NEURL4: variants seen among roughly 807,000 people sequenced by gnomAD.
NEURL4 encodes the protein neuralized-like protein 4.
NEURL4 carries 45 observed loss-of-function variants against 148.0 expected under a neutral mutation model. The observed-to-expected ratio is 0.30, with a 90% CI of 0.24 to 0.39. The LOEUF is 0.39. Among genes scored for constraint, NEURL4 ranks in the 10% least tolerant of loss-of-function variants. The probability of loss-of-function intolerance (pLI) is 1.00; values close to 1 mark genes in which losing one functional copy is unlikely to be tolerated. For synonymous variants in NEURL4, 854 were observed against 869.0 expected, an observed-to-expected ratio of 0.98 and a Z score of 0.30; for missense variants, 1,776 against 2,144.0, an observed-to-expected ratio of 0.83 and a Z score of 3.39.
chr17:7,323,904 C>T lies in NEURL4; in HGVS notation c.2171G>A (p.Gly724Asp), dbSNP rs1158687521. 1 of 1,613,902 alleles carries T rather than the reference C, an allele frequency of 6.2e-7. No individual in the cohort carries two copies. Among genetic ancestry groups the T allele is most frequent in the Admixed American group, 1.7e-5 (1 of 60,030 alleles). The change falls in exon 12 of 29, where the codon GGC (glycine) becomes GAC (aspartate). Residue 724 changes from glycine to aspartate, a missense_variant. Gly to Asp is a moderately conservative substitution (Grantham distance 94). Transcript: ENST00000399464. ...GSDLRFHQLH[G>D]SNAVITNGGR... ...CCCGTTAGTGATGACTGCGTTACTG[C>T]CGTGCAGCTGATGGAAGCGCAGGTC...
chr17:7,327,153 C>T lies in NEURL4; in HGVS notation c.793+12G>A. The T allele has an allele frequency of 6.2e-7, 1 of 1,611,726 alleles. No individual in the cohort carries two copies. The highest frequency in any genetic ancestry group is 8.5e-7 in the Non-Finnish European group (1 of 1,179,692). ...CCCACTCCCCTTCCCAGGGCCTCCC[C>T]AAAGCCCTCACCATTATGCGACTCA... On this transcript the variant is annotated intron_variant, in intron 3 of 28. Coordinates refer to ENST00000399464, the MANE Select transcript of NEURL4 (RefSeq NM_032442.3). This position sits in a 1 kb window ranked among gnomAD's most constrained non-coding sequence, Gnocchi z 6.6.
At position 7,322,180 on chromosome 17, in the gene NEURL4, C is replaced by CA. The variant is rs1262108055; in HGVS notation, c.2726-171dup. ...ACCTCTTTATTGTATTTTGTTGAGG[C>CA]AGAGTCTCGCTCTGTCACTCAGGCT... On this transcript the variant is annotated intron_variant, in intron 16 of 28. Transcript: ENST00000399464. This position sits in a 1 kb window ranked among gnomAD's most constrained non-coding sequence, Gnocchi z 5.5. Among the ~76,000 whole-genome samples, 3 of 152,156 alleles carry CA rather than the reference C, an allele frequency of 2.0e-5. No individual in the cohort carries two copies. Among genetic ancestry groups the CA allele is most frequent in the African/African-American group, 7.2e-5 (3 of 41,446 alleles).
chr17:7,320,692 T>C, intron 21 of NEURL4, 67 bp downstream of exon 21: 1 of 1,489,404 alleles, frequency 6.7e-7, no homozygotes, highest in Non-Finnish European at 9.1e-7. Context: ...AAAGGCCTTT[T>C]TTCAGGGGGG....
chr17:7,325,144 T>TGG, intron 8 of NEURL4, 65 bp downstream of exon 8: 19 of 956,484 alleles, frequency 2.0e-5, no homozygotes, highest in Non-Finnish European at 2.6e-5. Context: ...TCCACTTCCT[T>TGG]GCCCCGCCCC....
intron 14 of NEURL4, 31 bp from the exon 15 acceptor site, chr17:7,323,154 C>T (rs770308928): frequency 1.3e-6 from 2 of 1,599,164 alleles, no homozygotes; most frequent in East Asian, 4.5e-5. Context: ...GTGAGTCAGC[C>T]TGCCAACTTC....
rs371716667 is a variant in NEURL4 at position 7,322,141 on chromosome 17, CAG to C, written c.2726-133_2726-132del. 7.3e-5 allele frequency: 75 copies of C among 1,032,610 alleles called. 1 individual carries two copies. In the Middle Eastern group the frequency reaches 2.1e-3, roughly 28 times the overall value. 64.0% of individuals were successfully genotyped at this position (1,032,610 alleles called of 1,614,324 possible). The stretch of plus-strand genomic sequence containing the variant: ...CCATCTGCCATCTGCCATTACACCT[CAG>C]GGCCTCCTGACACCTCTTTATTGTA... On this transcript the variant is annotated intron_variant, in intron 16 of 28. Coordinates refer to ENST00000399464, the MANE Select transcript of NEURL4 (RefSeq NM_032442.3). This position sits in a 1 kb window ranked among gnomAD's most constrained non-coding sequence, Gnocchi z 5.5.
At chr17:7,319,374 CTTTTTTTTTTT>C (rs374281551) in intron 21 of NEURL4, among the ~76,000 whole-genome samples, 166 bp from the exon 22 acceptor site, 94 of 113,930 alleles carry the variant, frequency 8.3e-4, no homozygotes, top group South Asian at 1.8e-3. Context: ...TTCTTTCCCT[CTTTTTTTTTTT>C]TTTTTTTTTT....
chr17:7,317,200 C>T lies in NEURL4; in HGVS notation c.4484+5G>A. 6.7e-7 allele frequency: 1 copy of T among 1,500,742 alleles called. No homozygotes were observed. Among genetic ancestry groups the T allele is most frequent in the Non-Finnish European group, 8.9e-7 (1 of 1,126,938 alleles). 93.0% of individuals were successfully genotyped at this position (1,500,742 alleles called of 1,614,324 possible). ...AAATCTCTCCCCACCCCTCCCAGTA[C>T]TCACTGCACTTTGGAGGCCAGGGTC... On this transcript the variant is annotated splice_donor_5th_base_variant and intron_variant, in intron 28 of 28. Transcript: ENST00000399464.
In NEURL4 at chr17:7,321,511, C is replaced by T. The variant is rs763830063; in HGVS notation, c.3099+49G>A. On this transcript the variant is annotated intron_variant, in intron 18 of 28. Transcript: ENST00000399464. The surrounding 1 kb of genome is among the most constrained non-coding windows in gnomAD (Gnocchi z 6.3). ...ACGATGTTCAGCCCACCTCTCCCTGCCACCTCCACTCCCAACCCCTCCCCT... is the reference window on the plus strand; with the variant it reads ...ACGATGTTCAGCCCACCTCTCCCTGTCACCTCCACTCCCAACCCCTCCCCT... The T allele has an allele frequency of 6.2e-7, 1 of 1,612,566 alleles. No individual in the cohort carries two copies. The highest frequency in any genetic ancestry group is 1.7e-5 in the Admixed American group (1 of 60,012).
chr17:7,323,327 G>C (rs2062770), intron 14 of NEURL4, among the ~76,000 whole-genome samples, 158 bp downstream of exon 14: 2 of 152,182 alleles, frequency 1.3e-5, no homozygotes, highest in African/African-American at 4.8e-5. Context: ...CTGAGCCCCT[G>C]TGGGCCTGGG....
Position 7,321,142 on chromosome 17 carries a change from C to T in NEURL4, c.3330G>A (p.Glu1110=). Residue 1110 remains glutamate, a synonymous_variant, in exon 20 of 29, where the codon GAG becomes GAA. Coordinates refer to ENST00000399464, the MANE Select transcript of NEURL4 (RefSeq NM_032442.3). This position sits in a 1 kb window ranked among gnomAD's most constrained non-coding sequence, Gnocchi z 6.3. ...PSSDTGSEGE[E]DDEGEEHGLG... is the part of the protein sequence containing the mutation. ...GGCCATGCTCCTCGCCCTCGTCATC[C>T]TCCTCGCCCTCACTGCCGGTGTCTG... 6.2e-7 allele frequency: 1 copy of T among 1,613,960 alleles called. No homozygotes were observed. Among genetic ancestry groups the T allele is most frequent in the Non-Finnish European group, 8.5e-7 (1 of 1,180,032 alleles).
Position 7,323,948 on chromosome 17 carries a change from G to C in NEURL4, c.2127C>G (p.Ser709=). The change falls in exon 12 of 29, where the codon TCC becomes TCG. Residue 709 remains serine, a synonymous_variant. Coordinates refer to ENST00000399464, the MANE Select transcript of NEURL4 (RefSeq NM_032442.3). ...GCAGGTCAGAGCCCCCGGCCCCTGA[G>C]GACGGAGAGCTTGGAGACACCTGGT... ...GNNQVSPSSP[S]SGAGGSDLRF... 6.2e-7 allele frequency: 1 copy of C among 1,613,152 alleles called. No homozygotes were observed. Among genetic ancestry groups the C allele is most frequent in the South Asian group, 1.1e-5 (1 of 91,092 alleles).
chr17:7,328,973 C>A, intron 1 of NEURL4, 58 bp downstream of exon 1: 2 of 1,460,820 alleles, frequency 1.4e-6, no homozygotes, highest in East Asian at 2.6e-5. Context: ...TACCCCGTCT[C>A]CCTCTAGACG....
At chr17:7,319,852 C>T (rs560468283) in intron 21 of NEURL4, among the ~76,000 whole-genome samples, 8 of 151,804 alleles carry the variant, frequency 5.3e-5, no homozygotes, top group Admixed American at 2.0e-4. Flanking sequence ...TTTATTGAGA[C>T]GGAGTCTCGC....
At position 7,322,099 on chromosome 17, in the gene NEURL4, A is replaced by G; in HGVS notation, c.2726-89T>C. The stretch of plus-strand genomic sequence containing the variant: ...GAGCAAAGCTTTCAGATGAAACGAA[A>G]TGGGGATGCCAACGCCCCATCTGCC... On this transcript the variant is annotated intron_variant, in intron 16 of 28. Coordinates refer to ENST00000399464, the MANE Select transcript of NEURL4 (RefSeq NM_032442.3). This position sits in a 1 kb window ranked among gnomAD's most constrained non-coding sequence, Gnocchi z 5.5. 1 of 1,451,268 alleles carries G rather than the reference A, an allele frequency of 6.9e-7. No individual in the cohort carries two copies. The highest frequency in any genetic ancestry group is 9.2e-7 in the Non-Finnish European group (1 of 1,085,272). 89.9% of individuals were successfully genotyped at this position (1,451,268 alleles called of 1,614,324 possible). A position where few individuals can be genotyped will look rare whatever the true frequency, so the allele number is the denominator to read the frequency against.
rs986942767 is a variant in NEURL4 at position 7,321,338 on chromosome 17, C to A, written c.3198+23G>T. On this transcript the variant is annotated intron_variant, in intron 19 of 28. Coordinates refer to ENST00000399464, the MANE Select transcript of NEURL4 (RefSeq NM_032442.3). The surrounding 1 kb of genome is among the most constrained non-coding windows in gnomAD (Gnocchi z 6.3). The stretch of plus-strand genomic sequence containing the variant: ...GAAGACCTCAACCATCCTCCCAGAA[C>A]CCAAGGAAGCGTTCAGGTCTACCTT... 9.9e-6 allele frequency: 16 copies of A among 1,613,746 alleles called. No individual in the cohort carries two copies. The highest frequency in any genetic ancestry group is 1.4e-5 in the Non-Finnish European group (16 of 1,179,886).
In NEURL4 at chr17:7,327,789, G is replaced by A. The variant is rs781281012; in HGVS notation, c.378C>T (p.Gly126=). 3 of 1,613,888 alleles carry A rather than the reference G, an allele frequency of 1.9e-6. No individual in the cohort carries two copies. Among genetic ancestry groups the A allele is most frequent in the Non-Finnish European group, 2.5e-6 (3 of 1,180,048 alleles). ...FPSSATGLKG[G]SWVVSGCSVL... Reference sequence around the variant, plus strand: ...CAGAGCAGCCCGACACTACCCACGAGCCCCCCTTCAGGCCCGTGGCACTGC... The same window carrying A: ...CAGAGCAGCCCGACACTACCCACGAACCCCCCTTCAGGCCCGTGGCACTGC... Residue 126 remains glycine, a synonymous_variant, in exon 2 of 29, where the codon GGC becomes GGT. Coordinates refer to ENST00000399464, the MANE Select transcript of NEURL4 (RefSeq NM_032442.3). This position sits in a 1 kb window ranked among gnomAD's most constrained non-coding sequence, Gnocchi z 6.6.
In NEURL4 at chr17:7,318,994, C is replaced by T; in HGVS notation, c.3684+56G>A. ...TAGGGGCCCACTTCTCCCTTCTGGC[C>T]AGCCCTTCTCTACTCACAGGCCTGG... On this transcript the variant is annotated intron_variant, in intron 22 of 28. Coordinates refer to ENST00000399464, the MANE Select transcript of NEURL4 (RefSeq NM_032442.3). This position sits in a 1 kb window ranked among gnomAD's most constrained non-coding sequence, Gnocchi z 4.3. The T allele has an allele frequency of 6.5e-7, 1 of 1,533,564 alleles. No individual in the cohort carries two copies. Among genetic ancestry groups the T allele is most frequent in the Non-Finnish European group, 8.8e-7 (1 of 1,138,088 alleles). 95.0% of individuals were successfully genotyped at this position (1,533,564 alleles called of 1,614,324 possible). A position where few individuals can be genotyped will look rare whatever the true frequency, so the allele number is the denominator to read the frequency against.
Position 7,320,753 on chromosome 17 carries a change from AC to A in NEURL4, c.3525+5del. The stretch of plus-strand genomic sequence containing the variant: ...GAGAAGCTGGGGATAGGGAGGGAGA[AC>A]CCACCTGCACCAGCAGCTGGGGCAC... On this transcript the variant is annotated splice_donor_5th_base_variant and intron_variant, in intron 21 of 28. Coordinates refer to ENST00000399464, the MANE Select transcript of NEURL4 (RefSeq NM_032442.3). The A allele has an allele frequency of 6.2e-7, 1 of 1,611,020 alleles. No individual in the cohort carries two copies. Among genetic ancestry groups the A allele is most frequent in the Non-Finnish European group, 8.5e-7 (1 of 1,178,124 alleles).
Sources: gnomAD v4.1 joint callset for allele counts (sites outside exome capture counted in the v4.1 genomes callset) on GRCh38, gnomAD v4.1.1 for gene constraint, Gnocchi (gnomAD v3.1) non-coding constraint, MANE v1.5 for transcripts, NCBI Gene and HGNC (gene_info 2026-07-23, HGNC 2026-07-21) for gene names.